TBC1D9: variants seen among roughly 807,000 people sequenced by gnomAD.
TBC1D9 encodes TBC1 domain family member 9.
Under a neutral mutation model 132.0 loss-of-function variants are expected in TBC1D9, and 63 were observed. The ratio of observed to expected loss-of-function variants is 0.48; its 90% CI spans 0.39 to 0.59. The LOEUF is 0.59. Among genes scored for constraint, TBC1D9 ranks in the 20% least tolerant of loss-of-function variants. The probability of loss-of-function intolerance (pLI) is 0.00; values close to 1 mark genes in which losing one functional copy is unlikely to be tolerated. For missense variants in TBC1D9, 1,261 were observed against 1,592.7 expected (o/e 0.79, Z 3.54); for synonymous variants, 610 against 609.9 (o/e 1.00, Z 0.00).
At chr4:140,628,415 A>T in intron 16 of TBC1D9, 50 bp from the exon 17 acceptor site, 2 of 1,495,276 alleles carry the variant, frequency 1.3e-6, no homozygotes, top group East Asian at 4.5e-5. Flanking sequence ...GTGCTAATAA[A>T]CTCCAGGCCT....
intron 2 of TBC1D9, among the ~76,000 whole-genome samples, chr4:140,698,367 A>C (rs1256448390): frequency 6.6e-6 from 1 of 152,190 alleles, no homozygotes; most frequent in Non-Finnish European, 1.5e-5. Context: ...CTAAACCTTG[A>C]AGCCATGCCT....
At chr4:140,623,649 T>C (rs1421297455) in intron 20 of TBC1D9, among the ~76,000 whole-genome samples, 3 of 152,202 alleles carry the variant, frequency 2.0e-5, no homozygotes, top group Non-Finnish European at 4.4e-5. Flanking sequence ...TGGACAGAAG[T>C]AATGCTTTAG....
chr4:140,732,274 T>C (rs1738605696), intron 1 of TBC1D9, among the ~76,000 whole-genome samples: 1 of 152,230 alleles, frequency 6.6e-6, no homozygotes, highest in South Asian at 2.1e-4. Context: ...TCTTCTCCAG[T>C]TGACCTCCAA....
At chr4:140,661,528 G>T (rs776757607) in intron 10 of TBC1D9, among the ~76,000 whole-genome samples, 2 of 152,114 alleles carry the variant, frequency 1.3e-5, no homozygotes, top group Non-Finnish European at 2.9e-5. Flanking sequence ...TCTTCTCCAG[G>T]TCACCTAGCT....
chr4:140,735,669 C>T (rs1046086675), intron 1 of TBC1D9, among the ~76,000 whole-genome samples: 1 of 152,130 alleles, frequency 6.6e-6, no homozygotes, highest in African/African-American at 2.4e-5. Context: ...TATAATTGCA[C>T]CACTGCACTC....
At chr4:140,707,236 C>T (rs79639139) in intron 1 of TBC1D9, among the ~76,000 whole-genome samples, 78 of 152,068 alleles carry the variant, frequency 5.1e-4, no homozygotes, top group Non-Finnish European at 9.3e-4. Context: ...ATTGGCCATT[C>T]CAATTTCCTT....
Position 140,670,914 on chromosome 4 carries a change from C to T in TBC1D9, c.1072G>A (p.Glu358Lys). The change falls in exon 7 of 21, where the codon GAA (glutamate) becomes AAA (lysine). Residue 358 changes from glutamate (E) to lysine (K), a missense_variant. Transcript: ENST00000442267. ...AGCACACTGGAGCTGTCTGCCTTTT[C>T]CACAATTGTCACCTGAAAAGAAGTG... ...IIPLREVTIV[E>K]KADSSSVLPS... The T allele has an allele frequency of 6.2e-7, 1 of 1,613,856 alleles. No individual in the cohort carries two copies. Among genetic ancestry groups the T allele is most frequent in the Non-Finnish European group, 8.5e-7 (1 of 1,179,828 alleles).
rs1454190702 is a variant in TBC1D9, at chr4:140,716,018, G to A, written c.131-14404C>T. The A allele has an allele frequency of 3.9e-5, 6 of 152,312 alleles. 1 individual carries two copies. The highest frequency in any genetic ancestry group is 3.9e-4 in the Admixed American group (6 of 15,302). 9.4% of individuals were successfully genotyped at this position (152,312 alleles called of 1,614,324 possible). ...TTGACTGTGCAAAACCATGGGTACG[G>A]TAACCAGTAACACCCTTATTTTATC... On this transcript the variant is annotated intron_variant, in intron 1 of 20. Coordinates refer to ENST00000442267, the MANE Select transcript of TBC1D9 (RefSeq NM_015130.3).
intron 1 of TBC1D9, among the ~76,000 whole-genome samples, chr4:140,750,022 A>G (rs1358429865): frequency 2.0e-5 from 3 of 152,148 alleles, no homozygotes; most frequent in Non-Finnish European, 4.4e-5. Flanking sequence ...TCACTAGTAC[A>G]TTGATAAAAA....
intron 2 of TBC1D9, among the ~76,000 whole-genome samples, chr4:140,691,623 G>A (rs962645829): frequency 6.6e-6 from 1 of 152,330 alleles, no homozygotes; most frequent in African/African-American, 2.4e-5. Flanking sequence ...GAACCCTGAT[G>A]TTGGGTATGA....
At chr4:140,730,833 C>A (rs1578859859) in intron 1 of TBC1D9, among the ~76,000 whole-genome samples, 2 of 152,176 alleles carry the variant, frequency 1.3e-5, no homozygotes, top group African/African-American at 4.8e-5. Flanking sequence ...CCACAGGGAG[C>A]AAGTATGAGG....
intron 2 of TBC1D9, among the ~76,000 whole-genome samples, chr4:140,694,031 C>T (rs1013643866): frequency 6.6e-6 from 1 of 152,178 alleles, no homozygotes; most frequent in African/African-American, 2.4e-5. Flanking sequence ...ATATTAATTA[C>T]ATGCATATCC....
At chr4:140,707,125 C>T (rs993718424) in intron 1 of TBC1D9, among the ~76,000 whole-genome samples, 6 of 40,530 alleles carry the variant, frequency 1.5e-4, no homozygotes, top group African/African-American at 7.6e-4. Context: ...TTAGTATTAC[C>T]AGGTTTTTTT....
chr4:140,712,141 T>C (rs1396762201), intron 1 of TBC1D9: 1 of 152,164 alleles, frequency 6.6e-6, no homozygotes, highest in Non-Finnish European at 1.5e-5. Flanking sequence ...TGCAACATGC[T>C]AGCTAAGAGT....
Position 140,622,392 on chromosome 4 carries a change from T to G in TBC1D9, c.3604A>C (p.Ser1202Arg), listed in dbSNP as rs373596451. The G allele has an allele frequency of 8.1e-6, 13 of 1,612,812 alleles. No individual in the cohort carries two copies. The African/African-American group carries it at 1.3e-4, about 17-fold the overall frequency. ...SGQGTAALPR[S>R]TSLDRDWAIT... ...GCCCAGTCCCGGTCCAGGCTGGTGC[T>G]CCGGGGCAGTGCCGCCGTGCCCTGG... The change falls in exon 21 of 21, where the codon AGC (serine) becomes CGC (arginine). Residue 1202 changes from serine (S) to arginine (R), a missense_variant. Coordinates refer to ENST00000442267, the MANE Select transcript of TBC1D9 (RefSeq NM_015130.3).
Position 140,756,360 on chromosome 4 carries a change from G to A in TBC1D9, c.-315C>T, listed in dbSNP as rs1188306159. On this transcript the variant is annotated 5_prime_UTR_variant, in exon 1 of 21. Coordinates refer to ENST00000442267, the MANE Select transcript of TBC1D9 (RefSeq NM_015130.3). The surrounding 1 kb of genome is among the most constrained non-coding windows in gnomAD (Gnocchi z 5.6). ...CTCTGCAGCCCGGCTCCCGGCCCAC[G>A]GCGGCGGGAGGAGCGGGAGGAGGAG... is the stretch of plus-strand genomic sequence containing the variant. Among the ~76,000 whole-genome samples the A allele has an allele frequency of 6.6e-6, 1 of 152,040 alleles. No individual in the cohort carries two copies. The highest frequency in any genetic ancestry group is 2.4e-5 in the African/African-American group (1 of 41,412).
At position 140,677,177 on chromosome 4, in the gene TBC1D9, CCCAG is replaced by C. The variant is rs377070744; in HGVS notation, c.852-80_852-77del. 4 of 1,552,124 alleles carry C rather than the reference CCCAG, an allele frequency of 2.6e-6. No homozygotes were observed. The African/African-American group carries it at 4.1e-5, about 16-fold the overall frequency. On this transcript the variant is annotated intron_variant, in intron 5 of 20. Transcript: ENST00000442267. ...TAAATTATGCAGCAGCGGAAGTTCC[CCCAG>C]CCCATTTTCCACCTCCTCAATCTTG...
intron 16 of TBC1D9, among the ~76,000 whole-genome samples, chr4:140,632,515 G>C (rs1736813680): frequency 6.6e-6 from 1 of 152,158 alleles, no homozygotes; most frequent in Non-Finnish European, 1.5e-5. Context: ...TTTCAGGACA[G>C]ATAGCCATTG....
chr4:140,643,892 C>T (rs1465547198), intron 13 of TBC1D9: 4 of 712,886 alleles, frequency 5.6e-6, no homozygotes, highest in African/African-American at 3.5e-5. Context: ...CGGGCAGTGG[C>T]AGCGGCAACT....
Sources: allele counts gnomAD v4.1 joint callset (sites outside exome capture counted in the v4.1 genomes callset), GRCh38; gene constraint gnomAD v4.1.1; non-coding constraint Gnocchi (gnomAD v3.1); transcripts MANE v1.5; gene names NCBI Gene and HGNC (gene_info 2026-07-23, HGNC 2026-07-21).